DEPDC5: variants seen among roughly 807,000 people sequenced by gnomAD.
DEPDC5 encodes DEP domain containing 5, GATOR1 subcomplex subunit.
DEPDC5 carries 73 observed loss-of-function variants against 217.3 expected under a neutral mutation model. The observed-to-expected ratio is 0.34, with a 90% CI of 0.28 to 0.41. DEPDC5 has a LOEUF of 0.41. DEPDC5 is among the 10% of genes least tolerant of loss of function. The pLI, the probability that DEPDC5 is intolerant of heterozygous loss-of-function variation, is 1.00. For synonymous variants in DEPDC5, 733 were observed against 756.7 expected (o/e 0.97, Z 0.51); for missense variants, 1,675 against 2,070.1 (o/e 0.81, Z 3.70).
intron 38 of DEPDC5, among the ~76,000 whole-genome samples, chr22:31,889,619 C>G (rs1327083804): frequency 6.8e-6 from 1 of 148,130 alleles, no homozygotes; most frequent in East Asian, 2.0e-4. Context: ...GCGCTCACTG[C>G]AAGCTCCGCC....
rs76098983 is a variant in DEPDC5, at chr22:31,758,089, G to A, written c.59-457G>A. The stretch of plus-strand genomic sequence containing the variant: ...TCTCTGAGGTTATTTTCTTACTCCT[G>A]TTAGATCTAAAGATTTATTGTGACG... On this transcript the variant is annotated intron_variant, in intron 2 of 42. Transcript: ENST00000651528. 2.4e-4 allele frequency among the ~76,000 whole-genome samples: 36 copies of A among 152,222 alleles called. No homozygotes were observed. In the East Asian group the frequency reaches 3.3e-3, roughly 14 times the overall value.
In DEPDC5 at chr22:31,874,305, G is replaced by A. The variant is rs2092932146; in HGVS notation, c.3596G>A (p.Gly1199Asp). 4.4e-6 allele frequency: 7 copies of A among 1,608,000 alleles called. No homozygotes were observed. The highest frequency in any genetic ancestry group is 1.1e-5 in the South Asian group (1 of 89,702). Residue 1199 changes from glycine (G) to aspartate (D), a missense_variant, in exon 36 of 43, where the codon GGC becomes GAC. By Grantham distance (94) the Gly-to-Asp change is moderately conservative. Coordinates refer to ENST00000651528, the MANE Select transcript of DEPDC5 (RefSeq NM_001242896.3). ...GTCCAGCTGCTCTCTGAACAGAAGG[G>A]CCTCTCACCGTACTGCTTCATCAGC... ...TGVQLLSEQK[G>D]LSPYCFISAE... is the part of the protein sequence containing the mutation.
Position 31,815,157 on chromosome 22 carries a change from C to T in DEPDC5, c.1611C>T (p.His537=), listed in dbSNP as rs2088923412. 1.2e-6 allele frequency: 2 copies of T among 1,614,174 alleles called. No individual in the cohort carries two copies. Among genetic ancestry groups the T allele is most frequent in the East Asian group, 4.5e-5 (2 of 44,880 alleles). ...GKSANILMIP[H]PHLHQYEVSS... is the part of the protein sequence containing the mutation. ...GTGCCAACATCCTGATGATCCCACA[C>T]CCCCACCTGCACCAGTATGAAGTCA... The change falls in exon 21 of 43, where the codon CAC becomes CAT. Residue 537 remains histidine (H), a synonymous_variant. Transcript: ENST00000651528.
intron 37 of DEPDC5, among the ~76,000 whole-genome samples, chr22:31,877,141 A>G (rs753120829): frequency 4.2e-4 from 64 of 151,582 alleles, no homozygotes; most frequent in Middle Eastern, 3.2e-3. Context: ...ACTCCGTCTC[A>G]AAAACAACAG....
At chr22:31,832,231 A>G (rs776373618) in intron 24 of DEPDC5, among the ~76,000 whole-genome samples, 5 of 152,232 alleles carry the variant, frequency 3.3e-5, no homozygotes, top group Admixed American at 2.0e-4. Flanking sequence ...ACTTCTATAA[A>G]TGTTTACATG....
At chr22:31,787,586 C>T (rs927877147) in intron 10 of DEPDC5, among the ~76,000 whole-genome samples, 10 of 152,220 alleles carry the variant, frequency 6.6e-5, no homozygotes, top group Middle Eastern at 3.4e-3. Context: ...GTGGGAGAAT[C>T]GTGTGAAGCC....
intron 40 of DEPDC5, among the ~76,000 whole-genome samples, chr22:31,899,213 A>G (rs900889815): frequency 2.6e-5 from 4 of 152,226 alleles, no homozygotes; most frequent in African/African-American, 9.6e-5. Context: ...AAAGGGTCCC[A>G]GTTTAAAGCA....
chr22:31,810,863 C>T (rs563657412), intron 20 of DEPDC5, among the ~76,000 whole-genome samples: 1 of 152,002 alleles, frequency 6.6e-6, no homozygotes, highest in South Asian at 2.1e-4. Flanking sequence ...GCAACCTTGA[C>T]CTCCTGGGTT....
chr22:31,831,740 C>A (rs1017507146), intron 24 of DEPDC5, among the ~76,000 whole-genome samples: 2 of 152,102 alleles, frequency 1.3e-5, no homozygotes, highest in Non-Finnish European at 2.9e-5. Flanking sequence ...AGATTACAGG[C>A]GTGAGCCCAT....
Position 31,906,150 on chromosome 22 carries a change from A to G in DEPDC5, c.4520-55A>G. On this transcript the variant is annotated intron_variant, in intron 42 of 42. Coordinates refer to ENST00000651528, the MANE Select transcript of DEPDC5 (RefSeq NM_001242896.3). The surrounding 1 kb of genome is among the most constrained non-coding windows in gnomAD (Gnocchi z 5.1). ...CCTATGGCTGCAGAACCACCTCAGC[A>G]GGCTCCAGGAGCCCTCCTGGTGGCT... 1 of 1,612,942 alleles carries G rather than the reference A, an allele frequency of 6.2e-7. No homozygotes were observed. The highest frequency in any genetic ancestry group is 1.1e-5 in the South Asian group (1 of 91,032).
In DEPDC5 at chr22:31,834,113, C is replaced by T. The variant is rs111880143; in HGVS notation, c.2170+133C>T. 2,063 of 889,040 alleles carry T rather than the reference C, an allele frequency of 2.3e-3. 6 individuals are homozygous for T. The highest frequency in any genetic ancestry group is 3.3e-3 in the Non-Finnish European group (1,741 of 530,630). The allele number at this position is 889,040 out of a possible 1,614,324, so 55.1% of individuals were successfully genotyped here. The stretch of plus-strand genomic sequence containing the variant: ...CACATACCTCTGGGGTATGGGAAGG[C>T]GATGTGGTGAGGGAGGACTCTCTGG... On this transcript the variant is annotated intron_variant, in intron 25 of 42. Coordinates refer to ENST00000651528, the MANE Select transcript of DEPDC5 (RefSeq NM_001242896.3).
chr22:31,770,762 C>T (rs2083277561), intron 7 of DEPDC5, among the ~76,000 whole-genome samples: 1 of 150,314 alleles, frequency 6.7e-6, no homozygotes, highest in African/African-American at 2.4e-5. Context: ...CAGTGTAGTC[C>T]CTCGTTATAA....
intron 18 of DEPDC5, among the ~76,000 whole-genome samples, chr22:31,807,539 C>T (rs2148676817): frequency 6.6e-6 from 1 of 152,018 alleles, no homozygotes; most frequent in African/African-American, 2.4e-5. Flanking sequence ...TCAAGCAATT[C>T]CTGTGCCCTA....
chr22:31,903,031 CT>C (rs2093677976), intron 41 of DEPDC5, among the ~76,000 whole-genome samples: 1 of 151,924 alleles, frequency 6.6e-6, no homozygotes, highest in African/African-American at 2.4e-5. Context: ...AACTATTGTA[CT>C]TTCCTCCTCA....
intron 24 of DEPDC5, among the ~76,000 whole-genome samples, chr22:31,830,566 G>A (rs987851909): frequency 1.3e-5 from 2 of 151,906 alleles, no homozygotes; most frequent in African/African-American, 4.8e-5. Context: ...TAAAATATTT[G>A]CTTAAAAGCA....
chr22:31,893,802 C>T, intron 39 of DEPDC5, 51 bp downstream of exon 39: 1 of 1,458,876 alleles, frequency 6.9e-7, no homozygotes, highest in Non-Finnish European at 9.1e-7. Flanking sequence ...TCACAGTGGG[C>T]ATGGAGATGC....
At chr22:31,831,007 CT>C (rs2090555314) in intron 24 of DEPDC5, 1 of 150,298 alleles carries the variant, frequency 6.7e-6, no homozygotes, top group Non-Finnish European at 1.5e-5. Context: ...TATAATCATG[CT>C]TTATATTTGT....
At chr22:31,862,010 G>T (rs1235684396) in intron 33 of DEPDC5, among the ~76,000 whole-genome samples, 1 of 151,000 alleles carries the variant, frequency 6.6e-6, no homozygotes, top group Non-Finnish European at 1.5e-5. Flanking sequence ...AGGCCGAGGC[G>T]GGCAGATCAC....
chr22:31,797,589 A>T lies in DEPDC5; in HGVS notation c.768-11A>T. 6.2e-7 allele frequency: 1 copy of T among 1,607,226 alleles called. No individual in the cohort carries two copies. The highest frequency in any genetic ancestry group is 8.5e-7 in the Non-Finnish European group (1 of 1,173,826). ...TGCTCAATATCCATTTTATGATAATACTCTTTTCAGAGTGGTGGTGCAGAA... is the reference window on the plus strand; with the variant it reads ...TGCTCAATATCCATTTTATGATAATTCTCTTTTCAGAGTGGTGGTGCAGAA... On this transcript the variant is annotated splice_polypyrimidine_tract_variant and intron_variant, in intron 12 of 42. Transcript: ENST00000651528.
Sources: allele counts gnomAD v4.1 joint callset (sites outside exome capture counted in the v4.1 genomes callset), GRCh38; gene constraint gnomAD v4.1.1; non-coding constraint Gnocchi (gnomAD v3.1); transcripts MANE v1.5; gene names NCBI Gene and HGNC (gene_info 2026-07-23, HGNC 2026-07-21).